The following ADAMTS18 variants were observed in gnomAD, a reference collection of about 807,000 sequenced individuals.
The protein encoded by ADAMTS18 is A disintegrin and metalloproteinase with thrombospondin motifs 18.
In ADAMTS18, 157 loss-of-function variants were observed where a neutral mutation model predicts 165.9. That is an observed-to-expected ratio of 0.95 (90% CI 0.83 to 1.08). The LOEUF (loss-of-function observed/expected upper bound fraction) is 1.08. Ranked by LOEUF, ADAMTS18 falls within the 50% of genes least tolerant of loss-of-function variation. The pLI, the probability that ADAMTS18 is intolerant of heterozygous loss-of-function variation, is 0.00. For missense variants in ADAMTS18, 2,040 were observed against 1,534.0 expected (o/e 1.33, Z -5.51); for synonymous variants, 782 against 578.2 (o/e 1.35, Z -5.06).
At chr16:77,285,819 T>C (rs1341689740) in intron 22 of ADAMTS18, among the ~76,000 whole-genome samples, 1 of 152,202 alleles carries the variant, frequency 6.6e-6, no homozygotes, top group Non-Finnish European at 1.5e-5. Flanking sequence ...ATCTTTAAAA[T>C]GCACCCAGCA....
At chr16:77,366,420 T>G (rs2056794751) in intron 4 of ADAMTS18, among the ~76,000 whole-genome samples, 1 of 152,080 alleles carries the variant, frequency 6.6e-6, no homozygotes, top group Non-Finnish European at 1.5e-5. Context: ...TAGCTTGGCG[T>G]GCTGGCGTGC....
intron 3 of ADAMTS18, among the ~76,000 whole-genome samples, chr16:77,415,290 C>G (rs549420726): frequency 1.2e-3 from 189 of 152,308 alleles, no homozygotes; most frequent in Non-Finnish European, 2.4e-3. Context: ...ATAACTCATT[C>G]ATTTCTATCA....
intron 22 of ADAMTS18, among the ~76,000 whole-genome samples, chr16:77,287,345 C>G (rs563400509): frequency 2.0e-5 from 3 of 152,192 alleles, no homozygotes; most frequent in South Asian, 4.1e-4. Flanking sequence ...TGTAATCATC[C>G]CTATACTTGG....
chr16:77,286,003 T>C (rs1001833260), intron 22 of ADAMTS18, among the ~76,000 whole-genome samples: 1 of 152,184 alleles, frequency 6.6e-6, no homozygotes, highest in African/African-American at 2.4e-5. Flanking sequence ...AAGTTCTCCA[T>C]TGGCTTCCAT....
intron 12 of ADAMTS18, among the ~76,000 whole-genome samples, chr16:77,330,449 T>G (rs1020332693): frequency 1.6e-4 from 24 of 152,186 alleles, no homozygotes; most frequent in African/African-American, 5.6e-4. Flanking sequence ...CATGGGGACT[T>G]GAGCAAGAGT....
intron 10 of ADAMTS18, among the ~76,000 whole-genome samples, chr16:77,352,626 A>C (rs1175990526): frequency 6.6e-6 from 1 of 152,054 alleles, no homozygotes; most frequent in Non-Finnish European, 1.5e-5. Context: ...AAATGGTGAT[A>C]GTGATGGTGA....
intron 3 of ADAMTS18, among the ~76,000 whole-genome samples, chr16:77,406,138 T>G (rs1480442986): frequency 6.6e-6 from 1 of 152,018 alleles, no homozygotes; most frequent in Non-Finnish European, 1.5e-5. Flanking sequence ...ACAAATGAAA[T>G]CTAGCAATGA....
chr16:77,388,579 A>G (rs1325100379), intron 3 of ADAMTS18, among the ~76,000 whole-genome samples: 1 of 152,208 alleles, frequency 6.6e-6, no homozygotes, highest in East Asian at 1.9e-4. Flanking sequence ...TTTATTGAAC[A>G]CAGAATGAGG....
In ADAMTS18 at chr16:77,335,933, C is replaced by T. The variant is rs115327024; in HGVS notation, c.1711-29G>A. ...TGAAAAGAACGTGTAAGATGGTTCC[C>T]GTCAGAGACCACCTGGGAAAGCGCA... On this transcript the variant is annotated intron_variant, in intron 11 of 22. Coordinates refer to ENST00000282849, the MANE Select transcript of ADAMTS18 (RefSeq NM_199355.4). 1.8e-3 allele frequency: 2,984 copies of T among 1,613,908 alleles called. 47 individuals carry two copies. In the African/African-American group the frequency reaches 0.035, roughly 19 times the overall value.
chr16:77,361,939 T>C (rs1485566101), intron 7 of ADAMTS18, among the ~76,000 whole-genome samples, 166 bp downstream of exon 7: 1 of 152,068 alleles, frequency 6.6e-6, no homozygotes, highest in Non-Finnish European at 1.5e-5. Flanking sequence ...CATTCTAAGT[T>C]CAGTTAAAAA....
chr16:77,307,316 T>C (rs2055699241), intron 16 of ADAMTS18, among the ~76,000 whole-genome samples: 1 of 152,220 alleles, frequency 6.6e-6, no homozygotes, highest in African/African-American at 2.4e-5. Context: ...GCCCATTTTC[T>C]TTGACTTATT....
intron 2 of ADAMTS18, among the ~76,000 whole-genome samples, chr16:77,433,046 CCT>C (rs954620959): frequency 3.7e-4 from 56 of 152,168 alleles, no homozygotes; most frequent in African/African-American, 1.0e-3. Flanking sequence ...AAGTTTTTCC[CCT>C]CTCTTAACCT....
intron 9 of ADAMTS18, among the ~76,000 whole-genome samples, chr16:77,355,461 T>C (rs2056615308): frequency 6.6e-6 from 1 of 152,176 alleles, no homozygotes; most frequent in South Asian, 2.1e-4. Flanking sequence ...ACTCATACCA[T>C]TTGAGCATTT....
intron 3 of ADAMTS18, among the ~76,000 whole-genome samples, chr16:77,394,935 T>C (rs2057237246): frequency 6.6e-6 from 1 of 152,316 alleles, no homozygotes; most frequent in Admixed American, 6.5e-5. Context: ...GCTTGTAAGT[T>C]ACAAGTCCAT....
intron 3 of ADAMTS18, among the ~76,000 whole-genome samples, chr16:77,387,930 T>G (rs2057131848): frequency 6.6e-6 from 1 of 152,188 alleles, no homozygotes; most frequent in South Asian, 2.1e-4. Context: ...TCCTGTATTC[T>G]CTATGGCGCT....
chr16:77,407,539 T>G (rs2057408754), intron 3 of ADAMTS18, among the ~76,000 whole-genome samples: 1 of 152,210 alleles, frequency 6.6e-6, no homozygotes, highest in Admixed American at 6.5e-5. Context: ...CCTAAATACG[T>G]GTAAGACATG....
At chr16:77,286,273 A>T (rs1426446898) in intron 22 of ADAMTS18, among the ~76,000 whole-genome samples, 1 of 152,170 alleles carries the variant, frequency 6.6e-6, no homozygotes, top group Non-Finnish European at 1.5e-5. Flanking sequence ...CCTGATCATT[A>T]TAATCTGAAG....
chr16:77,348,418 C>G (rs62043573), intron 10 of ADAMTS18, among the ~76,000 whole-genome samples: 42,014 of 152,060 alleles, frequency 0.28, 6,856 homozygotes, highest in East Asian at 0.63. Flanking sequence ...GTCTCCCATC[C>G]GAGGCAGGCA....
chr16:77,350,863 C>G (rs1469938591), intron 10 of ADAMTS18, among the ~76,000 whole-genome samples: 1 of 152,064 alleles, frequency 6.6e-6, no homozygotes, highest in African/African-American at 2.4e-5. Context: ...TAATTAGTTC[C>G]TTTTCGTTGT....
Sources: allele counts gnomAD v4.1 joint callset (sites outside exome capture counted in the v4.1 genomes callset), GRCh38; gene constraint gnomAD v4.1.1; transcripts MANE v1.5; gene names NCBI Gene and HGNC (gene_info 2026-07-23, HGNC 2026-07-21).